The following ARPC1B variants were observed in gnomAD, a reference collection of about 807,000 sequenced individuals.
The protein encoded by ARPC1B is actin-related protein 2/3 complex subunit 1B.
A neutral mutation model predicts 46.0 loss-of-function variants in ARPC1B; 29 were observed. That is an observed-to-expected ratio of 0.63 (90% CI 0.47 to 0.86). The LOEUF is 0.86. ARPC1B is among the 40% of genes least tolerant of loss of function. The probability of loss-of-function intolerance (pLI) is 0.00; values close to 1 mark genes in which losing one functional copy is unlikely to be tolerated. For synonymous variants in ARPC1B, 201 were observed against 213.9 expected (o/e 0.94, Z 0.53); for missense variants, 469 against 529.4 (o/e 0.89, Z 1.12).
chr7:99,384,740 C>G (rs1329071507), intron 1 of ARPC1B, among the ~76,000 whole-genome samples: 1 of 152,124 alleles, frequency 6.6e-6, no homozygotes, highest in Non-Finnish European at 1.5e-5. Context: ...CCCCTGCAGA[C>G]CGGCCACCTC....
At chr7:99,387,769 A>G (rs563875248) in intron 3 of ARPC1B, among the ~76,000 whole-genome samples, 3 of 149,034 alleles carry the variant, frequency 2.0e-5, no homozygotes, top group African/African-American at 7.4e-5. Context: ...GATTGGTGGT[A>G]CACACCTGTA....
chr7:99,380,448 A>G (rs1794178936), intron 1 of ARPC1B, among the ~76,000 whole-genome samples: 1 of 152,168 alleles, frequency 6.6e-6, no homozygotes, highest in African/African-American at 2.4e-5. Flanking sequence ...GGTTTGTTCA[A>G]CAGACTAGGA....
intron 4 of ARPC1B, chr7:99,388,972 T>G (rs1208347019): frequency 7.0e-6 from 1 of 142,514 alleles, no homozygotes; most frequent in Non-Finnish European, 1.5e-5. Flanking sequence ...AGTCTTGCTC[T>G]GTCGTCCAGG....
intron 7 of ARPC1B, among the ~76,000 whole-genome samples, chr7:99,392,414 G>A (rs1031216916): frequency 1.3e-5 from 2 of 152,242 alleles, no homozygotes; most frequent in East Asian, 3.8e-4. Flanking sequence ...CTCCCCTAGA[G>A]CAGGTGTAAC....
chr7:99,383,004 CCAGCTAA>C (rs1453952701), intron 1 of ARPC1B, among the ~76,000 whole-genome samples: 2 of 151,760 alleles, frequency 1.3e-5, no homozygotes, highest in Non-Finnish European at 2.9e-5. Context: ...GCCACCACGC[CCAGCTAA>C]TTTTTGTATT....
intron 1 of ARPC1B, among the ~76,000 whole-genome samples, chr7:99,381,568 G>A (rs1794223236): frequency 6.6e-6 from 1 of 152,168 alleles, no homozygotes; most frequent in South Asian, 2.1e-4. Context: ...TCTAAGCATG[G>A]AGGAAACATG....
intron 5 of ARPC1B, 41 bp downstream of exon 5, chr7:99,390,053 A>G: frequency 1.3e-6 from 2 of 1,551,236 alleles, no homozygotes; most frequent in Non-Finnish European, 1.8e-6. Context: ...GCTGACGTCA[A>G]CTGACTGCTG....
At chr7:99,383,513 G>A (rs1192717913) in intron 1 of ARPC1B, among the ~76,000 whole-genome samples, 2 of 152,226 alleles carry the variant, frequency 1.3e-5, no homozygotes, top group Non-Finnish European at 2.9e-5. Context: ...TCCAGCAGGG[G>A]AGGAAGGCAG....
intron 9 of ARPC1B, 155 bp downstream of exon 9, chr7:99,394,274 TGGTGCTCACTGGGGCAC>T (rs1379075567): frequency 9.6e-7 from 1 of 1,041,834 alleles, no homozygotes; most frequent in African/African-American, 1.6e-5. Context: ...ATCTGGGCCT[TGGTGCTCACTGGGGCAC>T]CCGTCTTCAG....
At chr7:99,377,500 A>T (rs910248433) in intron 1 of ARPC1B, 1 of 151,408 alleles carries the variant, frequency 6.6e-6, no homozygotes, top group African/African-American at 2.4e-5. Flanking sequence ...TTTAGTAGAG[A>T]CGGGGTTTCA....
At position 99,391,097 on chromosome 7, in the gene ARPC1B, G is replaced by A. The variant is rs1794556310; in HGVS notation, c.705G>A (p.Met235Ile). 5 of 1,612,950 alleles carry A rather than the reference G, an allele frequency of 3.1e-6. No individual in the cohort carries two copies. The highest frequency in any genetic ancestry group is 1.3e-5 in the African/African-American group (1 of 74,932). The part of the protein sequence containing the change: ...TVCLADADKK[M>I]AVATLASETL... The stretch of plus-strand genomic sequence containing the variant: ...GCCTGGCTGATGCCGACAAGAAGAT[G>A]GCGTGAGTCGAGGCCATCCCCAGGG... The change falls in exon 6 of 10, where the codon ATG becomes ATA. Residue 235 changes from methionine (M) to isoleucine (I), a missense_variant and splice_region_variant. Coordinates refer to ENST00000646101, the MANE Select transcript of ARPC1B (RefSeq NM_005720.4).
At chr7:99,380,207 G>T (rs1794168663) in intron 1 of ARPC1B, among the ~76,000 whole-genome samples, 3 of 152,276 alleles carry the variant, frequency 2.0e-5, no homozygotes, top group Admixed American at 2.0e-4. Flanking sequence ...TGATGAAGTT[G>T]GAGTGTCCCC....
intron 1 of ARPC1B, among the ~76,000 whole-genome samples, chr7:99,375,292 C>T (rs1794001226): frequency 6.6e-6 from 1 of 152,172 alleles, no homozygotes; most frequent in South Asian, 2.1e-4. Flanking sequence ...GGGTTGCAGC[C>T]GCCGGGAAAT....
chr7:99,380,620 A>G (rs1191713533), intron 1 of ARPC1B, among the ~76,000 whole-genome samples: 1 of 151,682 alleles, frequency 6.6e-6, no homozygotes, highest in Non-Finnish European at 1.5e-5. Flanking sequence ...AGGGCTCTTC[A>G]AGTCCTCTCG....
chr7:99,390,999 G>T lies in ARPC1B; in HGVS notation c.607G>T (p.Gly203Cys). The T allele has an allele frequency of 6.2e-7, 1 of 1,613,980 alleles. No individual in the cohort carries two copies. The highest frequency in any genetic ancestry group is 1.1e-5 in the South Asian group (1 of 91,088). ...GATGTTCGAATCCAGCAGTAGCTGC[G>T]GCTGGGTACATGGCGTCTGTTTCTC... ...ELMFESSSSC[G>C]WVHGVCFSAS... The change falls in exon 6 of 10, where the codon GGC becomes TGC. Residue 203 changes from glycine (G) to cysteine (C), a missense_variant. Coordinates refer to ENST00000646101, the MANE Select transcript of ARPC1B (RefSeq NM_005720.4).
intron 1 of ARPC1B, among the ~76,000 whole-genome samples, chr7:99,378,243 G>A (rs1446780564): frequency 7.5e-6 from 1 of 133,366 alleles, no homozygotes; most frequent in Non-Finnish European, 1.6e-5. Flanking sequence ...TTTTTTTTTT[G>A]GTAGTTTTTA....
intron 1 of ARPC1B, among the ~76,000 whole-genome samples, chr7:99,375,411 T>A (rs1417704165): frequency 6.6e-6 from 1 of 152,096 alleles, no homozygotes; most frequent in Non-Finnish European, 1.5e-5. Context: ...CGGGCCTGGC[T>A]GGCGGGGTCC....
At chr7:99,381,030 A>G (rs1368193746) in intron 1 of ARPC1B, among the ~76,000 whole-genome samples, 3 of 152,208 alleles carry the variant, frequency 2.0e-5, no homozygotes, top group Non-Finnish European at 2.9e-5. Context: ...CTCTCTGCAC[A>G]GTGCTGGCAT....
rs552471823 is a variant in ARPC1B, at chr7:99,394,322, T to A, written c.1081-129T>A. On this transcript the variant is annotated intron_variant, in intron 9 of 9. Transcript: ENST00000646101. ...TTCAGGGCCGGGATTCCAACCCAGCTGACAGACTCCAAAACTGCAGGTTCT... is the reference window on the plus strand; with the variant it reads ...TTCAGGGCCGGGATTCCAACCCAGCAGACAGACTCCAAAACTGCAGGTTCT... The A allele has an allele frequency of 3.1e-5, 34 of 1,086,404 alleles. 1 individual carries two copies. In the South Asian group the frequency reaches 4.5e-4, roughly 14 times the overall value. 67.3% of individuals were successfully genotyped at this position (1,086,404 alleles called of 1,614,324 possible).
Sources: allele counts gnomAD v4.1 joint callset (sites outside exome capture counted in the v4.1 genomes callset), GRCh38; gene constraint gnomAD v4.1.1; transcripts MANE v1.5; gene names NCBI Gene and HGNC (gene_info 2026-07-23, HGNC 2026-07-21).